The following ACLY variants were observed in gnomAD, a reference collection of about 807,000 sequenced individuals.
ACLY encodes ATP-citrate synthase.
ACLY carries 41 observed loss-of-function variants against 133.0 expected under a neutral mutation model. The observed-to-expected ratio is 0.31, with a 90% CI of 0.24 to 0.40. ACLY has a LOEUF of 0.40. ACLY is among the 10% of genes least tolerant of loss of function. The pLI, the probability that ACLY is intolerant of heterozygous loss-of-function variation, is 1.00. For synonymous variants in ACLY, 495 were observed against 549.3 expected, an observed-to-expected ratio of 0.90 and a Z score of 1.38; for missense variants, 1,046 against 1,453.8, an observed-to-expected ratio of 0.72 and a Z score of 4.56.
chr17:41,874,864 C>T (rs1374196369), intron 22 of ACLY, among the ~76,000 whole-genome samples: 5 of 148,022 alleles, frequency 3.4e-5, no homozygotes, highest in Non-Finnish European at 5.9e-5. Flanking sequence ...TGAGCCACTG[C>T]ATCCAGCCCA....
chr17:41,925,105 C>T (rs1205944168), intron 1 of ACLY, among the ~76,000 whole-genome samples: 3 of 151,486 alleles, frequency 2.0e-5, no homozygotes, highest in African/African-American at 7.3e-5. Flanking sequence ...GCGCGATCTC[C>T]GCTCACTGCA....
At chr17:41,928,509 C>T (rs967981585) in intron 1 of ACLY, among the ~76,000 whole-genome samples, 1 of 151,604 alleles carries the variant, frequency 6.6e-6, no homozygotes, top group African/African-American at 2.4e-5. Flanking sequence ...AGGTCTTTTG[C>T]ATTTCCACAT....
At position 41,883,160 on chromosome 17, in the gene ACLY, A is replaced by G; in HGVS notation, c.2227T>C (p.Trp743Arg). The change falls in exon 20 of 29, where the codon TGG becomes CGG. Residue 743 changes from tryptophan (W) to arginine (R), a missense_variant. Around this residue, in one of 4 missense-constraint regions of ACLY, gnomAD observed 575 missense variants for 804.2 expected, o/e 0.71. Coordinates refer to ENST00000352035, the MANE Select transcript of ACLY (RefSeq NM_001096.3). ...EGRLTKPIVC[W>R]CIGTCATMFS... ...ATGGTGGCACACGTCCCGATGCACC[A>G]GCAGACGATGGGCTTAGTGAGGCGG... 3 of 1,614,116 alleles carry G rather than the reference A, an allele frequency of 1.9e-6. No individual in the cohort carries two copies. Among genetic ancestry groups the G allele is most frequent in the Non-Finnish European group, 2.5e-6 (3 of 1,180,032 alleles).
At chr17:41,874,574 CTTTTT>C (rs1172812451) in intron 22 of ACLY, among the ~76,000 whole-genome samples, 1 of 130,360 alleles carries the variant, frequency 7.7e-6, no homozygotes. Context: ...TCCATTGCTT[CTTTTT>C]TTTTTTTTTT....
rs368787334 is a variant in ACLY, at chr17:41,907,570, C to T, written c.619G>A (p.Val207Met). The change falls in exon 7 of 29, where the codon GTG (valine) becomes ATG (methionine). Residue 207 changes from valine (V) to methionine (M), a missense_variant and splice_region_variant. By Grantham distance (21) the Val-to-Met change is conservative. This residue lies in a region of ACLY where 575 missense variants were observed against 804.2 expected (regional missense o/e 0.71). Coordinates refer to ENST00000352035, the MANE Select transcript of ACLY (RefSeq NM_001096.3). ...FTYLEINPLV[V>M]TKDGVYVLDL... ...AGGACATAGACTCCATCTTTGGTCA[C>T]TACTTCAAGGGGAGCAGAGGCAATC... is the stretch of plus-strand genomic sequence containing the variant. 2.5e-6 allele frequency: 4 copies of T among 1,613,832 alleles called. No homozygotes were observed. In the African/African-American group the frequency reaches 5.3e-5, roughly 22 times the overall value.
chr17:41,884,399 G>T, intron 18 of ACLY, 125 bp from the exon 19 acceptor site: 2 of 650,120 alleles, frequency 3.1e-6, no homozygotes, highest in Non-Finnish European at 5.6e-6. Context: ...GGCCAGTAAG[G>T]GTCCAGAGAT....
chr17:41,869,335 A>C, intron 26 of ACLY, 139 bp downstream of exon 26: 1 of 843,252 alleles, frequency 1.2e-6, no homozygotes, highest in Non-Finnish European at 1.9e-6. Flanking sequence ...ATGTCTGTTA[A>C]ATTTAGTTAT....
At position 41,869,092 on chromosome 17, in the gene ACLY, T is replaced by C. The variant is rs1007013795; in HGVS notation, c.3085A>G (p.Ile1029Val). The change falls in exon 27 of 29, where the codon ATC becomes GTC. Residue 1029 changes from isoleucine (I) to valine (V), a missense_variant. Coordinates refer to ENST00000352035, the MANE Select transcript of ACLY (RefSeq NM_001096.3). ...PNLILNVDGL[I>V]GVAFVDMLRN... ...AGCATGTCTACAAATGCGACTCCGA[T>C]GAGACCATCTACATTCAGGATAAGA... 6 of 1,613,952 alleles carry C rather than the reference T, an allele frequency of 3.7e-6. No homozygotes were observed. The highest frequency in any genetic ancestry group is 2.2e-5 in the East Asian group (1 of 44,900).
At chr17:41,885,769 C>T (rs572003756) in intron 18 of ACLY, among the ~76,000 whole-genome samples, 1 of 152,268 alleles carries the variant, frequency 6.6e-6, no homozygotes, top group South Asian at 2.1e-4. Context: ...CACCCACCCC[C>T]TACTAAAGAG....
At chr17:41,917,719 T>C (rs1360903192) in intron 1 of ACLY, among the ~76,000 whole-genome samples, 1 of 152,176 alleles carries the variant, frequency 6.6e-6, no homozygotes, top group Non-Finnish European at 1.5e-5. Flanking sequence ...GGCAGAATTC[T>C]GTGAGTGCCC....
At chr17:41,883,093 A>AC in intron 20 of ACLY, 29 bp downstream of exon 20, 2 of 1,571,266 alleles carry the variant, frequency 1.3e-6, no homozygotes, top group Non-Finnish European at 1.7e-6. Context: ...CCCCACTCCC[A>AC]GCCCAGAAGT....
chr17:41,891,574 T>C (rs1555629280), intron 16 of ACLY, among the ~76,000 whole-genome samples: 1 of 151,908 alleles, frequency 6.6e-6, no homozygotes, highest in Non-Finnish European at 1.5e-5. Context: ...AATTTTTTTA[T>C]AGGGACAGGG....
chr17:41,897,549 G>A (rs781854463), intron 13 of ACLY, among the ~76,000 whole-genome samples, 200 bp downstream of exon 13: 23 of 152,144 alleles, frequency 1.5e-4, no homozygotes, highest in Non-Finnish European at 2.5e-4. Flanking sequence ...CAGGCACGGC[G>A]TGGGTCCTCT....
At chr17:41,882,931 T>C (rs936537742) in intron 20 of ACLY, among the ~76,000 whole-genome samples, 191 bp downstream of exon 20, 3 of 152,202 alleles carry the variant, frequency 2.0e-5, no homozygotes, top group African/African-American at 7.2e-5. Flanking sequence ...TGCTTATAAA[T>C]TGGTCTCCTC....
intron 3 of ACLY, among the ~76,000 whole-genome samples, chr17:41,911,738 C>T (rs1015087618): frequency 2.0e-5 from 3 of 152,082 alleles, no homozygotes; most frequent in Admixed American, 1.3e-4. Flanking sequence ...ATAACTTGAA[C>T]CTGGGAAGTG....
At chr17:41,876,858 T>C (rs1428312354) in intron 22 of ACLY, among the ~76,000 whole-genome samples, 4 of 151,424 alleles carry the variant, frequency 2.6e-5, no homozygotes, top group South Asian at 2.1e-4. Context: ...TATTGTCCTA[T>C]GACCCTGCCA....
At chr17:41,874,164 A>G (rs565966334) in intron 22 of ACLY, among the ~76,000 whole-genome samples, 199 bp from the exon 23 acceptor site, 1 of 152,308 alleles carries the variant, frequency 6.6e-6, no homozygotes, top group African/African-American at 2.4e-5. Flanking sequence ...GACATAGAAA[A>G]CAGGAGGACC....
intron 16 of ACLY, 33 bp from the exon 17 acceptor site, chr17:41,887,736 T>A (rs1555628534): frequency 1.3e-6 from 2 of 1,586,898 alleles, no homozygotes; most frequent in African/African-American, 2.7e-5. Context: ...TCCTGTTAAC[T>A]CTCTGCCTCA....
chr17:41,904,689 C>A, intron 10 of ACLY, 40 bp downstream of exon 10: 3 of 1,601,892 alleles, frequency 1.9e-6, no homozygotes, highest in Non-Finnish European at 2.6e-6. Context: ...TTTCCCCAAA[C>A]CACTTTCCCC....
Sources: gnomAD v4.1 joint callset for allele counts (sites outside exome capture counted in the v4.1 genomes callset) on GRCh38, gnomAD v4.1.1 for gene constraint, gnomAD v4.1.1 regional missense constraint, MANE v1.5 for transcripts, NCBI Gene and HGNC (gene_info 2026-07-23, HGNC 2026-07-21) for gene names.